NALCN: variants seen among roughly 807,000 people sequenced by gnomAD.
The protein encoded by NALCN is sodium leak channel NALCN.
NALCN carries 111 observed loss-of-function variants against 225.3 expected under a neutral mutation model. The observed-to-expected ratio is 0.49, with a 90% CI of 0.42 to 0.58. NALCN has a LOEUF of 0.58. Ranked by LOEUF, NALCN falls within the 20% of genes least tolerant of loss-of-function variation. The pLI, the probability that NALCN is intolerant of heterozygous loss-of-function variation, is 0.00. For missense variants in NALCN, 1,378 were observed against 2,202.4 expected (o/e 0.63, Z 7.49); for synonymous variants, 764 against 769.0 (o/e 0.99, Z 0.11).
At chr13:101,149,210 G>T (rs1031253528) in intron 15 of NALCN, among the ~76,000 whole-genome samples, 30 of 151,720 alleles carry the variant, frequency 2.0e-4, no homozygotes, top group Non-Finnish European at 3.4e-4. Context: ...GGAGAATGGC[G>T]TGAACCCGGG....
intron 3 of NALCN, among the ~76,000 whole-genome samples, chr13:101,385,090 C>A (rs959162842): frequency 1.3e-5 from 2 of 152,150 alleles, no homozygotes; most frequent in African/African-American, 4.8e-5. Context: ...CCTTGCAGAG[C>A]CTGCTGGGCC....
intron 7 of NALCN, among the ~76,000 whole-genome samples, chr13:101,311,371 GC>G (rs2044338968): frequency 6.6e-6 from 1 of 151,336 alleles, no homozygotes; most frequent in African/African-American, 2.4e-5. Context: ...CTGCCTAATT[GC>G]CCTGGCCAGG....
intron 14 of NALCN, among the ~76,000 whole-genome samples, chr13:101,181,583 A>AAAC (rs1555306734): frequency 2.0e-5 from 3 of 149,922 alleles, no homozygotes; most frequent in Non-Finnish European, 4.4e-5. Flanking sequence ...AAAAAAAAAA[A>AAAC]CAAAAATTAG....
chr13:101,343,520 G>A (rs894394186), intron 7 of NALCN, among the ~76,000 whole-genome samples: 2 of 152,198 alleles, frequency 1.3e-5, no homozygotes, highest in Non-Finnish European at 2.9e-5. Flanking sequence ...CATACGCTTT[G>A]TTGAGCCTAT....
At chr13:101,385,474 C>T (rs778156368) in intron 3 of NALCN, among the ~76,000 whole-genome samples, 13 of 152,124 alleles carry the variant, frequency 8.5e-5, no homozygotes, top group South Asian at 2.1e-4. Flanking sequence ...TGTAGATTCT[C>T]ATTATACTAA....
chr13:101,298,187 T>C (rs2043825616), intron 7 of NALCN, among the ~76,000 whole-genome samples: 1 of 152,230 alleles, frequency 6.6e-6, no homozygotes, highest in Non-Finnish European at 1.5e-5. Flanking sequence ...TGAATGGTGG[T>C]CAAATAAGAG....
At chr13:101,257,246 T>C (rs947169385) in intron 11 of NALCN, among the ~76,000 whole-genome samples, 1 of 140,520 alleles carries the variant, frequency 7.1e-6, no homozygotes, top group Admixed American at 7.7e-5. Flanking sequence ...GTAAGCTCCA[T>C]ATACCAGGTG....
chr13:101,281,775 A>G (rs188646758), intron 10 of NALCN, among the ~76,000 whole-genome samples: 23 of 152,352 alleles, frequency 1.5e-4, no homozygotes, highest in Admixed American at 1.2e-3. Flanking sequence ...ATACAACTCA[A>G]TAACAAAAAG....
rs1190864911 is a variant in NALCN, at chr13:101,104,657, A to G, written c.2637-7T>C. On this transcript the variant is annotated splice_polypyrimidine_tract_variant and splice_region_variant and intron_variant, in intron 23 of 43. Transcript: ENST00000251127. This position sits in a 1 kb window ranked among gnomAD's most constrained non-coding sequence, Gnocchi z 4.2. ...GACCAATCCCAGCAAATCACTGCCA[A>G]AGACCAAACAAAATTGAGAAACATA... The G allele has an allele frequency of 1.2e-6, 2 of 1,613,596 alleles. No homozygotes were observed. The highest frequency in any genetic ancestry group is 2.7e-5 in the African/African-American group (2 of 74,908).
chr13:101,300,017 T>C (rs932671299), intron 7 of NALCN, among the ~76,000 whole-genome samples: 1 of 149,866 alleles, frequency 6.7e-6, no homozygotes, highest in Admixed American at 6.6e-5. Flanking sequence ...TAGTGTGACA[T>C]AATTAAAAAA....
chr13:101,132,341 C>T (rs1484990875), intron 17 of NALCN, among the ~76,000 whole-genome samples: 3 of 151,894 alleles, frequency 2.0e-5, no homozygotes, highest in African/African-American at 7.2e-5. Flanking sequence ...GATTTTGTTA[C>T]ATTTTGGTCA....
At position 101,345,406 on chromosome 13, in the gene NALCN, T is replaced by C. The variant is rs754722278; in HGVS notation, c.659A>G (p.Asn220Ser). The change falls in exon 7 of 44, where the codon AAT (asparagine) becomes AGT (serine). Residue 220 changes from asparagine to serine, a missense_variant. Coordinates refer to ENST00000251127, the MANE Select transcript of NALCN (RefSeq NM_052867.4). Reference protein sequence around the residue: ...NDTKPGNVTWNSLAIPDTHCS... With the variant: ...NDTKPGNVTWSSLAIPDTHCS... ...GTGTGTGTCTGGAATAGCTAAACTA[T>C]TCCAGGTTACATTCCTGTGAACAAC... The C allele has an allele frequency of 1.2e-6, 2 of 1,613,238 alleles. No homozygotes were observed. The highest frequency in any genetic ancestry group is 1.7e-4 in the Middle Eastern group (1 of 6,054).
intron 10 of NALCN, among the ~76,000 whole-genome samples, chr13:101,261,809 C>A (rs1242301964): frequency 2.6e-5 from 4 of 152,210 alleles, no homozygotes; most frequent in African/African-American, 9.7e-5. Context: ...AATTTGACTT[C>A]TTCCGTTCCA....
chr13:101,364,242 A>G (rs1056910438), intron 6 of NALCN, among the ~76,000 whole-genome samples: 9 of 152,118 alleles, frequency 5.9e-5, no homozygotes, highest in African/African-American at 2.4e-5. Context: ...AAGGGAGGAA[A>G]TCTATATATT....
chr13:101,133,282 T>A (rs2036603775), intron 17 of NALCN, among the ~76,000 whole-genome samples: 1 of 152,222 alleles, frequency 6.6e-6, no homozygotes, highest in South Asian at 2.1e-4. Context: ...TTTTTTGATT[T>A]ACAATGTTAA....
At chr13:101,241,135 G>A (rs997519381) in intron 11 of NALCN, among the ~76,000 whole-genome samples, 1 of 152,204 alleles carries the variant, frequency 6.6e-6, no homozygotes, top group Non-Finnish European at 1.5e-5. Context: ...TTTGGTGATG[G>A]TGGAGCAAAG....
intron 9 of NALCN, among the ~76,000 whole-genome samples, chr13:101,288,725 T>C (rs1594609745): frequency 6.6e-6 from 1 of 152,350 alleles, no homozygotes; most frequent in South Asian, 2.1e-4. Context: ...AAACCTTCAA[T>C]ATGATCCTAT....
Position 101,093,713 on chromosome 13 carries a change from C to T in NALCN, c.3269+1861G>A, listed in dbSNP as rs145066818. On this transcript the variant is annotated intron_variant, in intron 28 of 43. Transcript: ENST00000251127. ...AGGTTTACTTTTCTCCAAACACTAC[C>T]TTCAAGTGTGTTCCAGCTCCCTGTC... Among the ~76,000 whole-genome samples the T allele has an allele frequency of 3.4e-3, 521 of 152,344 alleles. 4 individuals are homozygous for T. Among genetic ancestry groups the T allele is most frequent in the African/African-American group, 0.012 (486 of 41,580 alleles).
At chr13:101,313,485 A>G (rs910468412) in intron 7 of NALCN, among the ~76,000 whole-genome samples, 5 of 152,180 alleles carry the variant, frequency 3.3e-5, no homozygotes, top group African/African-American at 1.2e-4. Context: ...AGAAAAAAAC[A>G]AACAACCCCA....
Sources: allele counts gnomAD v4.1 joint callset (sites outside exome capture counted in the v4.1 genomes callset), GRCh38; gene constraint gnomAD v4.1.1; non-coding constraint Gnocchi (gnomAD v3.1); transcripts MANE v1.5; gene names NCBI Gene and HGNC (gene_info 2026-07-23, HGNC 2026-07-21).